Variants in MPZL1 observed in about 807,000 individuals in gnomAD.
The protein encoded by MPZL1 is myelin protein zero-like protein 1.
Under a neutral mutation model 29.3 loss-of-function variants are expected in MPZL1, and 16 were observed. The ratio of observed to expected loss-of-function variants is 0.55; its 90% CI spans 0.37 to 0.83. The LOEUF (loss-of-function observed/expected upper bound fraction) is 0.83, where lower values mean the gene tolerates loss of function less well. MPZL1 is among the 40% of genes least tolerant of loss of function. The pLI is 0.00. For missense variants in MPZL1, 279 were observed against 332.9 expected (o/e 0.84, Z 1.26); for synonymous variants, 143 against 132.0 (o/e 1.08, Z -0.57).
intron 1 of MPZL1, among the ~76,000 whole-genome samples, chr1:167,725,732 G>A (rs1372720700): frequency 2.6e-5 from 4 of 152,108 alleles, no homozygotes; most frequent in African/African-American, 9.7e-5. Context: ...TGATCCACCC[G>A]CCTTGGCCTC....
At chr1:167,725,362 ACCTCCATCTCCCAGAT>A in intron 1 of MPZL1, among the ~76,000 whole-genome samples, 1 of 152,162 alleles carries the variant, frequency 6.6e-6, no homozygotes, top group African/African-American at 2.4e-5. Context: ...GCTTACTGCA[ACCTCCATCTCCCAGAT>A]TCAAGTGATT....
intron 5 of MPZL1, among the ~76,000 whole-genome samples, chr1:167,786,790 G>A (rs770784513): frequency 6.6e-6 from 1 of 152,210 alleles, no homozygotes; most frequent in Non-Finnish European, 1.5e-5. Flanking sequence ...GATTTCAAAG[G>A]TGAAAGCTTA....
chr1:167,790,064 G>A lies in MPZL1; in HGVS notation c.*2143G>A, dbSNP rs1661675259. 1 of 152,176 alleles carries A rather than the reference G, an allele frequency of 6.6e-6. No individual in the cohort carries two copies. The highest frequency in any genetic ancestry group is 1.5e-5 in the Non-Finnish European group (1 of 68,036). The allele number at this position is 152,176 out of a possible 1,614,324, so 9.4% of individuals were successfully genotyped here. On this transcript the variant is annotated 3_prime_UTR_variant, in exon 6 of 6. Coordinates refer to ENST00000359523, the MANE Select transcript of MPZL1 (RefSeq NM_003953.6). The stretch of plus-strand genomic sequence containing the variant: ...CACATTGTAGACAGGCCTGTGTCAT[G>A]TTTCCTTACAGTCGTTTTTTACAGA...
At chr1:167,768,512 C>T (rs1661168740) in intron 2 of MPZL1, among the ~76,000 whole-genome samples, 2 of 152,002 alleles carry the variant, frequency 1.3e-5, no homozygotes, top group Admixed American at 1.3e-4. Flanking sequence ...TTTAAGAGGA[C>T]TTGCCTGTCT....
At chr1:167,786,371 T>G (rs953658056) in intron 5 of MPZL1, among the ~76,000 whole-genome samples, 8 of 152,206 alleles carry the variant, frequency 5.3e-5, no homozygotes, top group Non-Finnish European at 1.0e-4. Flanking sequence ...ACTGCCTAAG[T>G]TATAGGTATC....
chr1:167,724,237 C>A (rs1194091163), intron 1 of MPZL1, among the ~76,000 whole-genome samples: 2 of 152,086 alleles, frequency 1.3e-5, no homozygotes, highest in East Asian at 1.9e-4. Context: ...TATGAATGAA[C>A]CTGTTGGTAG....
intron 1 of MPZL1, among the ~76,000 whole-genome samples, chr1:167,745,927 A>T (rs1237775314): frequency 2.0e-5 from 3 of 152,052 alleles, no homozygotes; most frequent in Non-Finnish European, 4.4e-5. Context: ...TGATATTGGG[A>T]TATGCCTTAC....
intron 2 of MPZL1, among the ~76,000 whole-genome samples, chr1:167,767,281 G>A (rs1410578018): frequency 1.3e-5 from 2 of 152,192 alleles, no homozygotes; most frequent in Non-Finnish European, 2.9e-5. Context: ...TGTTCCCATA[G>A]AGGCAAGATT....
chr1:167,779,358 G>C (rs1265272464), intron 5 of MPZL1, among the ~76,000 whole-genome samples: 1 of 152,092 alleles, frequency 6.6e-6, no homozygotes, highest in Non-Finnish European at 1.5e-5. Flanking sequence ...GCTGAGGTGG[G>C]TGGATCACCT....
chr1:167,768,589 G>T (rs1484227123), intron 2 of MPZL1, among the ~76,000 whole-genome samples: 1 of 152,134 alleles, frequency 6.6e-6, no homozygotes, highest in Non-Finnish European at 1.5e-5. Flanking sequence ...GATTGATAAT[G>T]ATTCTAGTCT....
intron 5 of MPZL1, among the ~76,000 whole-genome samples, chr1:167,778,891 T>A (rs1571171178): frequency 6.6e-6 from 1 of 151,394 alleles, no homozygotes; most frequent in African/African-American, 2.4e-5. Context: ...AAAATGAAGC[T>A]CAAAGAGAAA....
rs1193169059 is a variant in MPZL1, at chr1:167,773,312, C to G, written c.549C>G (p.Ile183Met). The G allele has an allele frequency of 6.2e-7, 1 of 1,613,786 alleles. No individual in the cohort carries two copies. Residue 183 changes from isoleucine (I) to methionine (M), a missense_variant, in exon 4 of 6, where the codon ATC (isoleucine) becomes ATG (methionine). By Grantham distance (10) the Ile-to-Met change is conservative. Coordinates refer to ENST00000359523, the MANE Select transcript of MPZL1 (RefSeq NM_003953.6). ...TAVVLGLTLL[I>M]SMILAVLYRR... Reference sequence around the variant, plus strand: ...TGGTCCTAGGTCTCACTCTGCTCATCAGCATGATTCTGGCTGTCCTCTATA... The same window carrying G: ...TGGTCCTAGGTCTCACTCTGCTCATGAGCATGATTCTGGCTGTCCTCTATA...
chr1:167,727,515 T>C (rs1660172286), intron 1 of MPZL1, among the ~76,000 whole-genome samples: 1 of 152,230 alleles, frequency 6.6e-6, no homozygotes, highest in Non-Finnish European at 1.5e-5. Context: ...TAGATTAGTC[T>C]TTAGCCCCAT....
At chr1:167,768,116 C>T (rs1261697306) in intron 2 of MPZL1, among the ~76,000 whole-genome samples, 1 of 152,104 alleles carries the variant, frequency 6.6e-6, no homozygotes, top group African/African-American at 2.4e-5. Flanking sequence ...CAATCCAACC[C>T]TCATATGCCA....
At chr1:167,726,530 CA>C (rs1317977871) in intron 1 of MPZL1, among the ~76,000 whole-genome samples, 1 of 152,104 alleles carries the variant, frequency 6.6e-6, no homozygotes, top group Non-Finnish European at 1.5e-5. Flanking sequence ...TAGGAGTTTG[CA>C]ATATGTAGTT....
At chr1:167,748,505 A>G (rs1169543179) in intron 1 of MPZL1, among the ~76,000 whole-genome samples, 1 of 152,154 alleles carries the variant, frequency 6.6e-6, no homozygotes, top group East Asian at 1.9e-4. Context: ...GTTGATGGTA[A>G]GTGTTCTTTA....
At chr1:167,727,215 A>G (rs551955671) in intron 1 of MPZL1, among the ~76,000 whole-genome samples, 4 of 152,242 alleles carry the variant, frequency 2.6e-5, no homozygotes, top group African/African-American at 4.8e-5. Flanking sequence ...CCCTCTATCC[A>G]GTAGATGCTG....
intron 5 of MPZL1, 67 bp from the exon 6 acceptor site, chr1:167,787,753 C>T: frequency 8.5e-7 from 1 of 1,179,006 alleles, no homozygotes; most frequent in Non-Finnish European, 1.3e-6. Flanking sequence ...ATCATTGCTT[C>T]TATGCCTGTA....
At chr1:167,752,648 T>C (rs2101769149) in intron 1 of MPZL1, among the ~76,000 whole-genome samples, 1 of 152,356 alleles carries the variant, frequency 6.6e-6, no homozygotes, top group African/African-American at 2.4e-5. Context: ...TATTTTACTT[T>C]CTGTTCAAGG....
Sources: allele counts gnomAD v4.1 joint callset (sites outside exome capture counted in the v4.1 genomes callset), GRCh38; gene constraint gnomAD v4.1.1; transcripts MANE v1.5; gene names NCBI Gene and HGNC (gene_info 2026-07-23, HGNC 2026-07-21).